Variants in MRRF observed in about 807,000 individuals in gnomAD.
The protein encoded by MRRF is mitochondrial ribosome recycling factor, also known as ribosome-recycling factor, mitochondrial.
Under a neutral mutation model 25.1 loss-of-function variants are expected in MRRF, and 18 were observed. The ratio of observed to expected loss-of-function variants is 0.72; its 90% CI spans 0.50 to 1.06. The LOEUF (loss-of-function observed/expected upper bound fraction) is 1.06, where lower values mean the gene tolerates loss of function less well. Ranked by LOEUF, MRRF falls within the 50% of genes least tolerant of loss-of-function variation. MRRF has a pLI of 0.00. For synonymous variants in MRRF, 113 were observed against 112.1 expected (o/e 1.01, Z -0.05); for missense variants, 323 against 319.3 (o/e 1.01, Z -0.09).
At chr9:122,291,447 A>G (rs1162437318) in intron 4 of MRRF, among the ~76,000 whole-genome samples, 2 of 152,126 alleles carry the variant, frequency 1.3e-5, no homozygotes, top group African/African-American at 4.8e-5. Context: ...TTGAGGATTT[A>G]TTGTGGTTTT....
intron 1 of MRRF, among the ~76,000 whole-genome samples, chr9:122,270,593 T>C (rs976571291): frequency 6.6e-6 from 1 of 152,246 alleles, no homozygotes; most frequent in Non-Finnish European, 1.5e-5. Flanking sequence ...ATGGGCATTT[T>C]GGTGCAGTGG....
chr9:122,315,614 G>T (rs1234899343), intron 6 of MRRF, among the ~76,000 whole-genome samples: 2 of 152,170 alleles, frequency 1.3e-5, no homozygotes. Context: ...TAAAAGAAGA[G>T]GTTCAGAGAT....
At position 122,285,273 on chromosome 9, in the gene MRRF, G is replaced by A. The variant is rs771032402; in HGVS notation, c.445G>A (p.Ala149Thr). The change falls in exon 4 of 7, where the codon GCC becomes ACC. Residue 149 changes from alanine to threonine, a missense_variant. Coordinates refer to ENST00000344641, the MANE Select transcript of MRRF (RefSeq NM_138777.5). ...KSPQLILVNMASFPECTAAAI... is the reference protein window; with the variant it reads ...KSPQLILVNMTSFPECTAAAI... ...GCCACAGCTGATTTTGGTGAATATGGCCAGCTTCCCAGAGGTAAGATGGCC... is the reference window on the plus strand; with the variant it reads ...GCCACAGCTGATTTTGGTGAATATGACCAGCTTCCCAGAGGTAAGATGGCC... The A allele has an allele frequency of 1.9e-6, 3 of 1,609,492 alleles. No homozygotes were observed. The highest frequency in any genetic ancestry group is 2.6e-6 in the Non-Finnish European group (3 of 1,175,800).
rs1221411541 is a variant in MRRF at position 122,330,349 on chromosome 9, C to T, written c.*7732C>T. 1 of 152,232 alleles carries T rather than the reference C, an allele frequency of 6.6e-6. No individual in the cohort carries two copies. The highest frequency in any genetic ancestry group is 2.4e-5 in the African/African-American group (1 of 41,438). 9.4% of individuals were successfully genotyped at this position (152,232 alleles called of 1,614,324 possible). ...CTAGGCTCTAGAGCCCCTAAATCTC[C>T]AAAGACAGCAGCTCCTCCGCGAGCT... On this transcript the variant is annotated 3_prime_UTR_variant, in exon 7 of 7. Transcript: ENST00000344641. This position sits in a 1 kb window ranked among gnomAD's most constrained non-coding sequence, Gnocchi z 4.2.
In MRRF at chr9:122,264,935, G is replaced by C. The variant is rs1831957449; in HGVS notation, c.-32G>C. 6.5e-6 allele frequency: 1 copy of C among 153,342 alleles called. No homozygotes were observed. Among genetic ancestry groups the C allele is most frequent in the East Asian group, 1.9e-4 (1 of 5,190 alleles). 9.5% of individuals were successfully genotyped at this position (153,342 alleles called of 1,614,324 possible). A position where few individuals can be genotyped will look rare whatever the true frequency, so the allele number is the denominator to read the frequency against. On this transcript the variant is annotated 5_prime_UTR_variant, in exon 1 of 7. Transcript: ENST00000344641. ...TCTTTCCTTAGTAACCTGGGCGATAGCTGGTGAGTGTCCTTGACAGGGCCT... is the reference window on the plus strand; with the variant it reads ...TCTTTCCTTAGTAACCTGGGCGATACCTGGTGAGTGTCCTTGACAGGGCCT...
chr9:122,326,172 A>G lies in MRRF; in HGVS notation c.*3555A>G, dbSNP rs914905127. The G allele has an allele frequency of 1.9e-4, 29 of 150,014 alleles. No homozygotes were observed. Among genetic ancestry groups the G allele is most frequent in the African/African-American group, 6.4e-4 (26 of 40,518 alleles). 9.3% of individuals were successfully genotyped at this position (150,014 alleles called of 1,614,324 possible). On this transcript the variant is annotated 3_prime_UTR_variant, in exon 7 of 7. Coordinates refer to ENST00000344641, the MANE Select transcript of MRRF (RefSeq NM_138777.5). ...GCCCACGCTGGAGTGCATTGGCGCA[A>G]TCTCGGCTCACTGCAACCTCTGCCT...
intron 5 of MRRF, among the ~76,000 whole-genome samples, chr9:122,308,922 T>A (rs1835038460): frequency 6.6e-6 from 1 of 152,090 alleles, no homozygotes; most frequent in African/African-American, 2.4e-5. Flanking sequence ...AGGCTTGTAT[T>A]TTAGTCATTT....
chr9:122,276,102 T>C (rs1301249384), intron 2 of MRRF, among the ~76,000 whole-genome samples: 2 of 151,714 alleles, frequency 1.3e-5, no homozygotes, highest in African/African-American at 4.8e-5. Context: ...TTAGTAGAGA[T>C]GGGATTTCGC....
chr9:122,267,172 A>C lies in MRRF; in HGVS notation c.-29+2234A>C, dbSNP rs371306512. On this transcript the variant is annotated intron_variant, in intron 1 of 6. Transcript: ENST00000344641. ...GGCGGGCAGATCACCTGAGGTAAGG[A>C]GTTTGAGACCAGCCTGGCCAACATG... Among the ~76,000 whole-genome samples the C allele has an allele frequency of 4.0e-5, 6 of 151,746 alleles. No individual in the cohort carries two copies. The East Asian group carries it at 7.8e-4, about 20-fold the overall frequency.
chr9:122,269,769 AG>A (rs1205496935), intron 1 of MRRF, among the ~76,000 whole-genome samples: 17 of 152,140 alleles, frequency 1.1e-4, no homozygotes. Flanking sequence ...TTGAAAAAAA[AG>A]GTGATAGCTA....
chr9:122,285,809 T>G, intron 4 of MRRF: 1 of 1,281,864 alleles, frequency 7.8e-7, no homozygotes, highest in African/African-American at 1.6e-5. Context: ...AATACTTTAA[T>G]GGGCCAAATG....
intron 4 of MRRF, among the ~76,000 whole-genome samples, chr9:122,288,318 T>C (rs1833541732): frequency 6.6e-6 from 1 of 152,252 alleles, no homozygotes; most frequent in South Asian, 2.1e-4. Flanking sequence ...AATGAATGTG[T>C]ATTGATTGTC....
chr9:122,322,075 T>C (rs974263401), intron 6 of MRRF, among the ~76,000 whole-genome samples: 1 of 152,138 alleles, frequency 6.6e-6, no homozygotes, highest in Non-Finnish European at 1.5e-5. Context: ...AGAATGTATA[T>C]ATAGGCCTGG....
chr9:122,303,582 G>A (rs1189902017), intron 5 of MRRF, among the ~76,000 whole-genome samples: 2 of 151,704 alleles, frequency 1.3e-5, no homozygotes, highest in African/African-American at 2.4e-5. Context: ...GTCCCACAGT[G>A]TTTCCCAGGT....
chr9:122,266,215 G>A (rs947281566), intron 1 of MRRF, among the ~76,000 whole-genome samples: 1 of 152,216 alleles, frequency 6.6e-6, no homozygotes, highest in Non-Finnish European at 1.5e-5. Flanking sequence ...GTCATATGGA[G>A]GGAATTAGAC....
At position 122,303,238 on chromosome 9, in the gene MRRF, T is replaced by TA. The variant is rs564130428; in HGVS notation, c.552-9988dup. ...TTCCCAGAAGTAACCATTGTCAGTA[T>TA]ATCCTTCCAGATTTCAAAAGATGAA... On this transcript the variant is annotated intron_variant, in intron 5 of 6. Coordinates refer to ENST00000344641, the MANE Select transcript of MRRF (RefSeq NM_138777.5). Among the ~76,000 whole-genome samples the TA allele has an allele frequency of 3.5e-3, 534 of 151,802 alleles. 2 individuals carry two copies. The highest frequency in any genetic ancestry group is 0.013 in the African/African-American group (521 of 41,470).
intron 5 of MRRF, among the ~76,000 whole-genome samples, chr9:122,293,149 TA>T (rs1833881332): frequency 6.6e-6 from 1 of 152,112 alleles, no homozygotes; most frequent in Non-Finnish European, 1.5e-5. Flanking sequence ...GGGCTTTTAT[TA>T]TGGATAGGGA....
Position 122,270,945 on chromosome 9 carries a change from T to C in MRRF, c.54T>C (p.Tyr18=). The change falls in exon 2 of 7, where the codon TAT becomes TAC. Residue 18 remains tyrosine, a synonymous_variant. Coordinates refer to ENST00000344641, the MANE Select transcript of MRRF (RefSeq NM_138777.5). ...TGGTCCACCCTACCTTTCGCAATTA[T>C]CTTGCAGCCTCTATCAGACCCGTTT... The part of the protein sequence containing the change: ...FRMVHPTFRN[Y]LAASIRPVSE... 1.2e-5 allele frequency: 20 copies of C among 1,614,206 alleles called. No homozygotes were observed. Among genetic ancestry groups the C allele is most frequent in the Non-Finnish European group, 1.7e-5 (20 of 1,180,034 alleles).
intron 2 of MRRF, among the ~76,000 whole-genome samples, chr9:122,278,145 C>G (rs1380362288): frequency 3.3e-5 from 5 of 151,792 alleles, no homozygotes; most frequent in African/African-American, 1.2e-4. Flanking sequence ...CCCTCTCTCT[C>G]TCTTTTTTAA....
Sources: allele counts gnomAD v4.1 joint callset (sites outside exome capture counted in the v4.1 genomes callset), GRCh38; gene constraint gnomAD v4.1.1; non-coding constraint Gnocchi (gnomAD v3.1); transcripts MANE v1.5; gene names NCBI Gene and HGNC (gene_info 2026-07-23, HGNC 2026-07-21).